PTPRG: variants seen among roughly 807,000 people sequenced by gnomAD.
The protein encoded by PTPRG is protein tyrosine phosphatase receptor type G, also known as receptor-type tyrosine-protein phosphatase gamma.
PTPRG carries 102 observed loss-of-function variants against 165.3 expected under a neutral mutation model. The ratio of observed to expected loss-of-function variants is 0.62; its 90% CI spans 0.53 to 0.73. PTPRG has a LOEUF of 0.73. PTPRG is among the 30% of genes least tolerant of loss of function. The pLI is 0.00. For synonymous variants in PTPRG, 675 were observed against 669.5 expected (o/e 1.01, Z -0.13); for missense variants, 1,866 against 1,861.4 (o/e 1.00, Z -0.05).
At chr3:61,571,546 C>T (rs371372380) in intron 1 of PTPRG, among the ~76,000 whole-genome samples, 2 of 152,018 alleles carry the variant, frequency 1.3e-5, no homozygotes, top group Non-Finnish European at 2.9e-5. Flanking sequence ...TATTTGGTTA[C>T]GTTGAAGAGA....
intron 2 of PTPRG, among the ~76,000 whole-genome samples, chr3:61,857,956 C>G (rs886690994): frequency 3.3e-5 from 5 of 152,180 alleles, no homozygotes; most frequent in African/African-American, 9.7e-5. Context: ...ACTGACACCT[C>G]CCTCTTAACA....
chr3:62,290,450 T>C (rs879292764), intron 28 of PTPRG, among the ~76,000 whole-genome samples: 13 of 152,156 alleles, frequency 8.5e-5, no homozygotes, highest in South Asian at 2.1e-4. Context: ...ATGAAAATTA[T>C]ATGTTTGAAT....
chr3:61,935,184 A>G (rs1049853855), intron 2 of PTPRG, among the ~76,000 whole-genome samples: 2 of 152,152 alleles, frequency 1.3e-5, no homozygotes, highest in Admixed American at 1.3e-4. Flanking sequence ...CATTTTCATA[A>G]GCTGAGGTCC....
chr3:62,123,211 A>G (rs1703144685), intron 5 of PTPRG, among the ~76,000 whole-genome samples: 1 of 152,214 alleles, frequency 6.6e-6, no homozygotes, highest in Admixed American at 6.5e-5. Context: ...TTTTACTTAG[A>G]TTGCTAGCAG....
At chr3:62,023,590 C>T (rs913456951) in intron 4 of PTPRG, among the ~76,000 whole-genome samples, 3 of 152,072 alleles carry the variant, frequency 2.0e-5, no homozygotes, top group Non-Finnish European at 4.4e-5. Flanking sequence ...CTTGTTTACT[C>T]CTAGACAAAC....
intron 1 of PTPRG, among the ~76,000 whole-genome samples, chr3:61,637,552 CG>C (rs1701946747): frequency 6.6e-6 from 1 of 152,150 alleles, no homozygotes; most frequent in African/African-American, 2.4e-5. Context: ...TCAAGCAGAA[CG>C]CTTTCTGTTC....
chr3:61,810,787 G>T (rs2035551262), intron 2 of PTPRG, among the ~76,000 whole-genome samples: 2 of 152,200 alleles, frequency 1.3e-5, no homozygotes, highest in African/African-American at 4.8e-5. Flanking sequence ...AAGTAATTCG[G>T]GACAAATGGA....
chr3:61,627,595 A>T (rs1701648111), intron 1 of PTPRG, among the ~76,000 whole-genome samples: 1 of 152,146 alleles, frequency 6.6e-6, no homozygotes, highest in African/African-American at 2.4e-5. Context: ...GTCTCACAGA[A>T]CTGACAGGTT....
intron 13 of PTPRG, among the ~76,000 whole-genome samples, chr3:62,223,898 A>T (rs986310964): frequency 3.9e-5 from 6 of 152,224 alleles, no homozygotes; most frequent in African/African-American, 1.4e-4. Context: ...CTTGAAAATA[A>T]CTTTTGGAAT....
At chr3:61,743,146 G>T in intron 1 of PTPRG, 1 of 1,128,432 alleles carries the variant, frequency 8.9e-7, no homozygotes, top group African/African-American at 1.5e-5. Context: ...AGCGGGTCTG[G>T]TAATATTTTT....
At chr3:62,002,247 T>A (rs1244286495) in intron 3 of PTPRG, among the ~76,000 whole-genome samples, 1 of 152,208 alleles carries the variant, frequency 6.6e-6, no homozygotes, top group Admixed American at 6.5e-5. Context: ...TATGGAGACC[T>A]AATTTTCATG....
chr3:62,015,281 A>C (rs2041514781), intron 4 of PTPRG, among the ~76,000 whole-genome samples: 1 of 152,124 alleles, frequency 6.6e-6, no homozygotes, highest in Non-Finnish European at 1.5e-5. Flanking sequence ...GGCCTGTTTG[A>C]GGCAGAGGCA....
chr3:61,972,391 A>G lies in PTPRG; in HGVS notation c.191-17234A>G, dbSNP rs934947719. 9.9e-5 allele frequency among the ~76,000 whole-genome samples: 15 copies of G among 151,632 alleles called. No individual in the cohort carries two copies. In the East Asian group the frequency reaches 2.7e-3, roughly 28 times the overall value. On this transcript the variant is annotated intron_variant, in intron 2 of 29. Transcript: ENST00000474889. ...CTTTGTCTTTTACTCTGAATGATGT[A>G]GCATGCTGTTGGGGGGTTTCATGCA...
At chr3:61,580,977 T>C (rs1296018463) in intron 1 of PTPRG, among the ~76,000 whole-genome samples, 2 of 152,232 alleles carry the variant, frequency 1.3e-5, no homozygotes, top group Non-Finnish European at 1.5e-5. Flanking sequence ...GTTTCCCTCA[T>C]TGGCATGTTA....
At chr3:62,283,582 T>TA (rs1559760462) in intron 28 of PTPRG, among the ~76,000 whole-genome samples, 1 of 152,164 alleles carries the variant, frequency 6.6e-6, no homozygotes, top group Non-Finnish European at 1.5e-5. Context: ...CTTTAGCCAA[T>TA]ATGGAATCAA....
intron 4 of PTPRG, among the ~76,000 whole-genome samples, chr3:62,066,788 C>G (rs1346147259): frequency 6.6e-6 from 1 of 152,082 alleles, no homozygotes; most frequent in East Asian, 1.9e-4. Context: ...GCCTGTAATC[C>G]CAGCACTTTG....
intron 2 of PTPRG, among the ~76,000 whole-genome samples, chr3:61,985,878 C>T (rs914264698): frequency 6.6e-6 from 1 of 152,148 alleles, no homozygotes; most frequent in Admixed American, 6.5e-5. Flanking sequence ...GTTAAATTTG[C>T]ACATGGATTC....
At chr3:61,810,966 T>G (rs1160747587) in intron 2 of PTPRG, among the ~76,000 whole-genome samples, 1 of 151,890 alleles carries the variant, frequency 6.6e-6, no homozygotes, top group Non-Finnish European at 1.5e-5. Flanking sequence ...TGTTGGGGAG[T>G]GCAAGGCTGT....
chr3:62,002,440 C>T lies in PTPRG; in HGVS notation c.371-909C>T, dbSNP rs543518919. 4.7e-4 allele frequency among the ~76,000 whole-genome samples: 71 copies of T among 152,150 alleles called. 3 individuals are homozygous for T. In the South Asian group the frequency reaches 0.015, roughly 31 times the overall value. ...TATTGAATGAATGAATGAATGAATC[C>T]ACTTCTAGAGAAACAAAAAAAGGGA... On this transcript the variant is annotated intron_variant, in intron 3 of 29. Coordinates refer to ENST00000474889, the MANE Select transcript of PTPRG (RefSeq NM_002841.4).
Sources: gnomAD v4.1 joint callset for allele counts (sites outside exome capture counted in the v4.1 genomes callset) on GRCh38, gnomAD v4.1.1 for gene constraint, MANE v1.5 for transcripts, NCBI Gene and HGNC (gene_info 2026-07-23, HGNC 2026-07-21) for gene names.